The following IQSEC1 variants were observed in gnomAD, a reference collection of about 807,000 sequenced individuals.
IQSEC1 encodes the protein IQ motif and SEC7 domain-containing protein 1.
Under a neutral mutation model 91.0 loss-of-function variants are expected in IQSEC1, and 31 were observed. That is an observed-to-expected ratio of 0.34 (90% CI 0.26 to 0.46). IQSEC1 has a LOEUF of 0.46. Among genes scored for constraint, IQSEC1 ranks in the 20% least tolerant of loss-of-function variants. IQSEC1 has a pLI of 1.00. For synonymous variants in IQSEC1, 699 were observed against 662.6 expected (o/e 1.05, Z -0.84); for missense variants, 1,388 against 1,575.6 (o/e 0.88, Z 2.02).
At position 12,901,448 on chromosome 3, in the gene IQSEC1, C is replaced by G; in HGVS notation, c.2880G>C (p.Gln960His). ...GGAGGGAAGATGAGTTGGGCATAGT[C>G]TGGTGTGGGCGAGATGGACACTCTC... The part of the protein sequence containing the change: ...STRECPSRPH[Q>H]TMPNSSSLLG... Residue 960 changes from glutamine (Q) to histidine (H), a missense_variant, in exon 14 of 14, where the codon CAG (glutamine) becomes CAC (histidine). Transcript: ENST00000613206. 1 of 1,549,088 alleles carries G rather than the reference C, an allele frequency of 6.5e-7. No homozygotes were observed. Among genetic ancestry groups the G allele is most frequent in the South Asian group, 1.2e-5 (1 of 84,054 alleles).
chr3:13,066,552 G>A (rs1037444990), intron 1 of IQSEC1, among the ~76,000 whole-genome samples: 1 of 152,262 alleles, frequency 6.6e-6, no homozygotes, highest in Admixed American at 6.5e-5. Flanking sequence ...GCATGGGCAA[G>A]AGTGTGGCAG....
At chr3:13,161,668 AC>A (rs1173908901) in intron 2 of IQSEC1, among the ~76,000 whole-genome samples, 1 of 152,014 alleles carries the variant, frequency 6.6e-6, no homozygotes, top group Non-Finnish European at 1.5e-5. Flanking sequence ...GTCACATCTG[AC>A]CCCAGCATCT....
At chr3:13,074,555 A>G (rs145077183), upstream of IQSEC1, among the ~76,000 whole-genome samples, 44 of 152,270 alleles carry the variant, frequency 2.9e-4, no homozygotes, top group African/African-American at 1.0e-3. Flanking sequence ...GACAACCCCA[A>G]TGAGGCCTAA....
At chr3:13,071,732 ACCGCCATCCCCCAAACCAGAGG>A (rs1323556531) in intron 1 of IQSEC1, among the ~76,000 whole-genome samples, 4 of 151,730 alleles carry the variant, frequency 2.6e-5, no homozygotes, top group African/African-American at 7.3e-5. Context: ...ACCAGAGGCC[ACCGCCATCCCCCAAACCAGAGG>A]CCGCCATCCC....
intron 1 of IQSEC1, among the ~76,000 whole-genome samples, chr3:13,274,049 G>A (rs6765843): frequency 0.11 from 16,637 of 152,246 alleles, 1,615 homozygotes; most frequent in African/African-American, 0.26. Context: ...TGCCGAGGGG[G>A]AGAAAGTACA....
At chr3:13,210,315 C>A (rs1307239259) in intron 1 of IQSEC1, among the ~76,000 whole-genome samples, 2 of 150,940 alleles carry the variant, frequency 1.3e-5, no homozygotes, top group Non-Finnish European at 3.0e-5. Context: ...TCCTCGGGTG[C>A]CCTCCCAGGG....
chr3:13,029,320 T>A (rs1349042943), intron 1 of IQSEC1, among the ~76,000 whole-genome samples: 1 of 152,150 alleles, frequency 6.6e-6, no homozygotes, highest in Non-Finnish European at 1.5e-5. Flanking sequence ...ATCTATAGGA[T>A]AAAGAAAGGA....
chr3:12,929,785 C>G (rs952383219), intron 3 of IQSEC1, among the ~76,000 whole-genome samples: 4 of 152,226 alleles, frequency 2.6e-5, no homozygotes, highest in African/African-American at 7.2e-5. Flanking sequence ...CCTGACCCAC[C>G]TCTGTACCCC....
At chr3:12,928,108 G>A (rs1299128251) in intron 3 of IQSEC1, among the ~76,000 whole-genome samples, 1 of 152,146 alleles carries the variant, frequency 6.6e-6, no homozygotes, top group Non-Finnish European at 1.5e-5. Flanking sequence ...GGCCCAGCTG[G>A]CAGCTGAGTG....
At position 12,908,080 on chromosome 3, in the gene IQSEC1, G is replaced by A. The variant is rs1386659206; in HGVS notation, c.2755+269C>T. 6.6e-6 allele frequency among the ~76,000 whole-genome samples: 1 copy of A among 152,238 alleles called. No homozygotes were observed. Among genetic ancestry groups the A allele is most frequent in the African/African-American group, 2.4e-5 (1 of 41,466 alleles). The stretch of plus-strand genomic sequence containing the variant: ...CAATAAACAAGTAAATAAAACCCCT[G>A]GAAGAAGAAAGGGAAAATGGGGGTG... On this transcript the variant is annotated intron_variant, in intron 12 of 13. Coordinates refer to ENST00000613206, the MANE Select transcript of IQSEC1 (RefSeq NM_001134382.3). The surrounding 1 kb of genome is among the most constrained non-coding windows in gnomAD (Gnocchi z 4.9).
chr3:13,027,038 C>T (rs1157242855), intron 1 of IQSEC1, among the ~76,000 whole-genome samples: 3 of 152,164 alleles, frequency 2.0e-5, no homozygotes, highest in Non-Finnish European at 4.4e-5. Flanking sequence ...CTGCAGTCTT[C>T]CAATGGTGCC....
chr3:12,972,066 T>C (rs996537537), intron 1 of IQSEC1, among the ~76,000 whole-genome samples: 1 of 148,776 alleles, frequency 6.7e-6, no homozygotes, highest in Non-Finnish European at 1.5e-5. Flanking sequence ...CAGTTATGGA[T>C]TGGACTGGAA....
intron 1 of IQSEC1, among the ~76,000 whole-genome samples, chr3:13,009,368 A>G (rs139934263): frequency 3.3e-5 from 5 of 152,180 alleles, no homozygotes; most frequent in African/African-American, 1.2e-4. Context: ...GATTTCTGAC[A>G]TGGTGTAATG....
Position 12,935,885 on chromosome 3 carries a change from G to T in IQSEC1, c.1131C>A (p.Asp377Glu). The change falls in exon 3 of 14, where the codon GAC becomes GAA. Residue 377 changes from aspartate (D) to glutamate (E), a missense_variant. Physicochemically the swap from Asp to Glu is conservative, Grantham distance 45. Transcript: ENST00000613206. This position sits in a 1 kb window ranked among gnomAD's most constrained non-coding sequence, Gnocchi z 8.0. ...TIEPPSDSSV[D>E]LSDRSERGSL... ...ACCCCCGCTCCGAGCGGTCACTAAG[G>T]TCCACAGAGCTGTCGCTGGGTGGCT... 1 of 1,605,426 alleles carries T rather than the reference G, an allele frequency of 6.2e-7. No individual in the cohort carries two copies. The highest frequency in any genetic ancestry group is 8.5e-7 in the Non-Finnish European group (1 of 1,179,830).
At chr3:13,149,325 G>A (rs766416297) in intron 2 of IQSEC1, among the ~76,000 whole-genome samples, 8 of 151,672 alleles carry the variant, frequency 5.3e-5, no homozygotes, top group Middle Eastern at 3.4e-3. Context: ...TTTGAAAGCC[G>A]TCCTGAAGAG....
intron 1 of IQSEC1, among the ~76,000 whole-genome samples, chr3:12,972,998 C>T (rs1369745799): frequency 1.3e-5 from 2 of 152,122 alleles, no homozygotes; most frequent in Non-Finnish European, 1.5e-5. Context: ...TACCAAGTGC[C>T]AAATTATCTT....
chr3:13,054,027 G>A (rs1308772463), intron 1 of IQSEC1, among the ~76,000 whole-genome samples: 2 of 152,074 alleles, frequency 1.3e-5, no homozygotes, highest in Non-Finnish European at 2.9e-5. Context: ...CCCCCACTTC[G>A]CACCGTCTCT....
chr3:12,897,223 G>A lies in IQSEC1; in HGVS notation c.*3760C>T, dbSNP rs1005555612. The A allele has an allele frequency of 2.0e-5, 3 of 152,356 alleles. No individual in the cohort carries two copies. Among genetic ancestry groups the A allele is most frequent in the Admixed American group, 1.3e-4 (2 of 15,308 alleles). 9.4% of individuals were successfully genotyped at this position (152,356 alleles called of 1,614,324 possible). On this transcript the variant is annotated 3_prime_UTR_variant, in exon 14 of 14. Coordinates refer to ENST00000613206, the MANE Select transcript of IQSEC1 (RefSeq NM_001134382.3). ...TTTCAGAAAAAGTGAGAATCCGAGA[G>A]TTTCAAAGGATTTATTTGATTTCCC... is the stretch of plus-strand genomic sequence containing the variant.
At chr3:12,944,331 G>A (rs756423248) in intron 1 of IQSEC1, among the ~76,000 whole-genome samples, 21 of 152,184 alleles carry the variant, frequency 1.4e-4, no homozygotes, top group African/African-American at 2.2e-4. Flanking sequence ...GCAGGGACTC[G>A]CAATAAACAC....
Sources: gnomAD v4.1 joint callset for allele counts (sites outside exome capture counted in the v4.1 genomes callset) on GRCh38, gnomAD v4.1.1 for gene constraint, Gnocchi (gnomAD v3.1) non-coding constraint, MANE v1.5 for transcripts, NCBI Gene and HGNC (gene_info 2026-07-23, HGNC 2026-07-21) for gene names.